The following TLK2 variants were observed in gnomAD, a reference collection of about 807,000 sequenced individuals.
TLK2 encodes the protein tousled like kinase 2.
TLK2 carries 6 observed loss-of-function variants against 117.3 expected under a neutral mutation model. That is an observed-to-expected ratio of 0.05 (90% CI 0.03 to 0.10). TLK2 has a LOEUF of 0.10. Among genes scored for constraint, TLK2 ranks in the 10% least tolerant of loss-of-function variants. The pLI, the probability that TLK2 is intolerant of heterozygous loss-of-function variation, is 1.00. For synonymous variants in TLK2, 257 were observed against 316.7 expected (o/e 0.81, Z 2.00); for missense variants, 299 against 901.2 (o/e 0.33, Z 8.56).
At chr17:62,480,060 T>A in intron 1 of TLK2, among the ~76,000 whole-genome samples, 1 of 151,998 alleles carries the variant, frequency 6.6e-6, no homozygotes, top group Admixed American at 6.5e-5. Flanking sequence ...ATTTGTCACC[T>A]TTTCATTCCC....
upstream of TLK2, among the ~76,000 whole-genome samples, chr17:62,478,512 C>A (rs1439416309): frequency 2.7e-5 from 4 of 149,818 alleles, no homozygotes; most frequent in Non-Finnish European, 4.5e-5. Flanking sequence ...CAGGGCGCCC[C>A]GGGCCGCCGG....
intron 16 of TLK2, among the ~76,000 whole-genome samples, chr17:62,588,741 GCTTT>G (rs150775318): frequency 6.6e-6 from 1 of 152,224 alleles, no homozygotes; most frequent in African/African-American, 2.4e-5. Context: ...GAAAGAATTG[GCTTT>G]CTAAGTGATA....
intron 2 of TLK2, chr17:62,516,288 A>G (rs1441089742): frequency 7.2e-6 from 7 of 968,922 alleles, no homozygotes; most frequent in Non-Finnish European, 1.1e-5. Context: ...TTTGGCTGTA[A>G]ATTTATTCAA....
chr17:62,597,886 T>A (rs2082594404), intron 17 of TLK2, among the ~76,000 whole-genome samples: 1 of 152,228 alleles, frequency 6.6e-6, no homozygotes, highest in African/African-American at 2.4e-5. Context: ...TCTGTAGAAG[T>A]CTGAACTGAA....
At chr17:62,584,332 G>A (rs1482875769) in intron 15 of TLK2, among the ~76,000 whole-genome samples, 1 of 151,634 alleles carries the variant, frequency 6.6e-6, no homozygotes, top group Non-Finnish European at 1.5e-5. Context: ...TGTTAGGATG[G>A]TCTCGATCTC....
In TLK2 at chr17:62,536,089, CTG is replaced by C. The variant is rs2077095076; in HGVS notation, c.364-79_364-78del. On this transcript the variant is annotated intron_variant, in intron 6 of 21. Coordinates refer to ENST00000346027, the MANE Select transcript of TLK2 (RefSeq NM_006852.6). ...AAACCATTCATCTTATATTTGATAA[CTG>C]TTTTTAACCCGTTGCATGTTTGGGC... The C allele has an allele frequency of 4.7e-6, 7 of 1,474,526 alleles. No individual in the cohort carries two copies. The African/African-American group carries it at 5.6e-5, about 12-fold the overall frequency. The allele number at this position is 1,474,526 out of a possible 1,614,324, so 91.3% of individuals were successfully genotyped here. A position where few individuals can be genotyped will look rare whatever the true frequency, so the allele number is the denominator to read the frequency against.
At chr17:62,546,815 C>T (rs1008429490) in intron 7 of TLK2, among the ~76,000 whole-genome samples, 2 of 151,970 alleles carry the variant, frequency 1.3e-5, no homozygotes, top group Non-Finnish European at 2.9e-5. Context: ...CTGTCTCGGC[C>T]TCCCAAAGTG....
intron 16 of TLK2, among the ~76,000 whole-genome samples, chr17:62,588,359 A>G (rs888381765): frequency 2.6e-5 from 4 of 152,154 alleles, no homozygotes; most frequent in African/African-American, 9.7e-5. Flanking sequence ...TCCTTCAAAC[A>G]GTTGGCAAGC....
chr17:62,473,410 C>T (rs1273051105), intron 1 of TLK2, among the ~76,000 whole-genome samples: 2 of 152,358 alleles, frequency 1.3e-5, no homozygotes, highest in East Asian at 3.9e-4. Context: ...ACACACCAAT[C>T]ACTAAACTAA....
Position 62,576,700 on chromosome 17 carries a change from G to T in TLK2, c.1122-9G>T, listed in dbSNP as rs768036306. The T allele has an allele frequency of 6.2e-7, 1 of 1,610,766 alleles. No homozygotes were observed. Among genetic ancestry groups the T allele is most frequent in the Non-Finnish European group, 8.5e-7 (1 of 1,177,868 alleles). On this transcript the variant is annotated splice_polypyrimidine_tract_variant and intron_variant, in intron 12 of 21. Transcript: ENST00000346027. Reference sequence around the variant, plus strand: ...GTAGTTTACTGAAACTTTTACCACTGTTTTTCAGGTTAACGTTAGCAGAAT... The same window carrying T: ...GTAGTTTACTGAAACTTTTACCACTTTTTTTCAGGTTAACGTTAGCAGAAT...
At chr17:62,519,656 T>G (rs2075893128) in intron 2 of TLK2, among the ~76,000 whole-genome samples, 1 of 152,126 alleles carries the variant, frequency 6.6e-6, no homozygotes, top group Non-Finnish European at 1.5e-5. Context: ...AAATTATTAT[T>G]GTTTATAATA....
intron 7 of TLK2, among the ~76,000 whole-genome samples, chr17:62,544,758 G>C (rs191411498): frequency 6.6e-6 from 1 of 152,304 alleles, no homozygotes; most frequent in Admixed American, 6.5e-5. Flanking sequence ...GATAGGATTT[G>C]ATAGCAATTG....
Position 62,472,096 on chromosome 17 carries a change from C to T in TLK2, c.-205+1018C>T, listed in dbSNP as rs569358609. Among the ~76,000 whole-genome samples the T allele has an allele frequency of 5.8e-3, 870 of 150,856 alleles. 7 individuals carry two copies. The highest frequency in any genetic ancestry group is 0.02 in the African/African-American group (826 of 41,190). On this transcript the variant is annotated intron_variant, in intron 1 of 4. Transcript: ENST00000579450. ...TAATTTTTTGTGTTTTTAGTAGAGA[C>T]GGGGTTTCACCGTGTTAGCCAGGAT...
upstream of TLK2, among the ~76,000 whole-genome samples, chr17:62,478,542 CCCGTCAGCCGGCGCCGCCCGTCGCCCG>C (rs2071188188): frequency 6.7e-6 from 1 of 149,992 alleles, no homozygotes; most frequent in African/African-American, 2.4e-5. Flanking sequence ...CGCGTTGCGG[CCCGTCAGCCGGCGCCGCCCGTCGCCCG>C]CCCTCAGCCG....
chr17:62,470,928 G>A (rs1273950551), upstream of TLK2: 1 of 152,476 alleles, frequency 6.6e-6, no homozygotes, highest in Non-Finnish European at 1.5e-5. Flanking sequence ...GGAGGGGAGA[G>A]AGGGAAGGAA....
chr17:62,480,703 T>TCCCAC (rs2071537246), intron 1 of TLK2, among the ~76,000 whole-genome samples: 1 of 152,230 alleles, frequency 6.6e-6, no homozygotes, highest in African/African-American at 2.4e-5. Context: ...TATTTTTAGT[T>TCCCAC]TAAGGACTAC....
chr17:62,568,768 A>G (rs997906359), intron 11 of TLK2, among the ~76,000 whole-genome samples: 2 of 151,796 alleles, frequency 1.3e-5, no homozygotes, highest in Non-Finnish European at 2.9e-5. Context: ...TATTTTTAGT[A>G]GAGACGGGGT....
chr17:62,595,283 C>CTTTT (rs770158122), intron 16 of TLK2, among the ~76,000 whole-genome samples: 1 of 133,352 alleles, frequency 7.5e-6, no homozygotes, highest in Non-Finnish European at 1.6e-5. Flanking sequence ...GCCTGGCCCC[C>CTTTT]TTTTTTTTTT....
chr17:62,585,960 TA>T, intron 15 of TLK2, 174 bp from the exon 16 acceptor site: 1 of 524,294 alleles, frequency 1.9e-6, no homozygotes, highest in South Asian at 3.2e-5. Context: ...TGGAGACTTC[TA>T]AATTATCTAA....
Sources: allele counts gnomAD v4.1 joint callset (sites outside exome capture counted in the v4.1 genomes callset), GRCh38; gene constraint gnomAD v4.1.1; transcripts MANE v1.5; gene names NCBI Gene and HGNC (gene_info 2026-07-23, HGNC 2026-07-21).